The following NUDCD1 variants were observed in gnomAD, a reference collection of about 807,000 sequenced individuals.
NUDCD1 encodes NudC domain containing 1.
NUDCD1 carries 60 observed loss-of-function variants against 67.8 expected under a neutral mutation model. That is an observed-to-expected ratio of 0.88 (90% confidence interval 0.72 to 1.10). NUDCD1 has a LOEUF of 1.10. Among genes scored for constraint, NUDCD1 ranks in the 50% least tolerant of loss-of-function variants. The pLI, the probability that NUDCD1 is intolerant of heterozygous loss-of-function variation, is 0.00. For synonymous variants in NUDCD1, 244 were observed against 230.8 expected, an observed-to-expected ratio of 1.06 and a Z score of -0.52; for missense variants, 643 against 695.0, an observed-to-expected ratio of 0.93 and a Z score of 0.84.
chr8:109,286,331 G>A (rs1305307015), intron 5 of NUDCD1, among the ~76,000 whole-genome samples: 2 of 152,032 alleles, frequency 1.3e-5, no homozygotes, highest in African/African-American at 4.8e-5. Context: ...ATCCAAAAAA[G>A]AGCCCAAATA....
At chr8:109,330,284 T>G (rs1256200375) in intron 1 of NUDCD1, among the ~76,000 whole-genome samples, 1 of 152,192 alleles carries the variant, frequency 6.6e-6, no homozygotes, top group East Asian at 1.9e-4. Context: ...ATAACATTAT[T>G]TAAGACAAGA....
At chr8:109,315,815 TAC>T (rs1205917702) in intron 2 of NUDCD1, 2 of 152,236 alleles carry the variant, frequency 1.3e-5, no homozygotes, top group African/African-American at 4.8e-5. Context: ...CCTTCGTCTC[TAC>T]ACAGGTAAGT....
At chr8:109,299,109 T>C (rs1368685309) in intron 2 of NUDCD1, among the ~76,000 whole-genome samples, 2 of 152,210 alleles carry the variant, frequency 1.3e-5, no homozygotes, top group Admixed American at 1.3e-4. Context: ...GTCAGCTCGC[T>C]GGGTTCCCTA....
intron 2 of NUDCD1, chr8:109,316,064 G>C (rs1310116714): frequency 1.3e-5 from 2 of 152,068 alleles, no homozygotes; most frequent in African/African-American, 4.8e-5. Flanking sequence ...AAACAAATTA[G>C]CTTTTCAGGT....
chr8:109,334,068 T>C lies in NUDCD1; in HGVS notation c.-58A>G. 1 of 1,608,830 alleles carries C rather than the reference T, an allele frequency of 6.2e-7. No individual in the cohort carries two copies. The highest frequency in any genetic ancestry group is 1.1e-5 in the South Asian group (1 of 90,580). On this transcript the variant is annotated 5_prime_UTR_variant, in exon 1 of 10. Transcript: ENST00000239690. ...AAGCCCTTGTTGAAAGGTCCGCGCT[T>C]CACGCCTCGCACAGAGACTGGGAAG...
chr8:109,333,753 C>G lies in NUDCD1; in HGVS notation c.118+140G>C, dbSNP rs917093313. 3.4e-6 allele frequency: 3 copies of G among 873,398 alleles called. No homozygotes were observed. In the African/African-American group the frequency reaches 5.1e-5, roughly 15 times the overall value. The allele number at this position is 873,398 out of a possible 1,614,324, so 54.1% of individuals were successfully genotyped here. A position where few individuals can be genotyped will look rare whatever the true frequency, so the allele number is the denominator to read the frequency against. ...TGGGATGGGCATCATTCCCCAGAAG[C>G]AGCGGCCTCCGTGAGTCCACGCAAG... On this transcript the variant is annotated intron_variant, in intron 1 of 9. Coordinates refer to ENST00000239690, the MANE Select transcript of NUDCD1 (RefSeq NM_032869.4).
intron 2 of NUDCD1, among the ~76,000 whole-genome samples, chr8:109,301,290 G>A (rs755091810): frequency 1.4e-4 from 21 of 152,044 alleles, no homozygotes; most frequent in African/African-American, 4.6e-4. Context: ...TTCTCCCCCC[G>A]CCCTTAAGAA....
intron 4 of NUDCD1, among the ~76,000 whole-genome samples, chr8:109,290,299 T>G (rs1301543465): frequency 6.6e-6 from 1 of 152,140 alleles, no homozygotes; most frequent in East Asian, 1.9e-4. Flanking sequence ...GGTACACATA[T>G]AAAACATGTC....
intron 3 of NUDCD1, among the ~76,000 whole-genome samples, chr8:109,294,778 A>G (rs1814802205): frequency 6.6e-6 from 1 of 151,896 alleles, no homozygotes; most frequent in South Asian, 2.1e-4. Context: ...GTCTCCTTTA[A>G]TTTCTCTTTT....
intron 1 of NUDCD1, among the ~76,000 whole-genome samples, chr8:109,328,828 G>GT (rs1815740883): frequency 6.6e-6 from 1 of 151,988 alleles, no homozygotes; most frequent in African/African-American, 2.4e-5. Flanking sequence ...ACCTAACAAG[G>GT]TAAAATTCAC....
At chr8:109,301,610 C>T (rs1814991963) in intron 2 of NUDCD1, among the ~76,000 whole-genome samples, 1 of 152,204 alleles carries the variant, frequency 6.6e-6, no homozygotes, top group Admixed American at 6.5e-5. Flanking sequence ...GACCAACCAG[C>T]CCAAGGAACA....
At chr8:109,331,654 A>C (rs1458780656) in intron 1 of NUDCD1, among the ~76,000 whole-genome samples, 1 of 152,220 alleles carries the variant, frequency 6.6e-6, no homozygotes, top group East Asian at 1.9e-4. Flanking sequence ...TCTAAAGTTA[A>C]AGTATTCAAT....
chr8:109,275,396 C>T lies in NUDCD1; in HGVS notation c.1129G>A (p.Ala377Thr), dbSNP rs1814260952. ...GELIRDSAQCAAIAERLMHLT... is the reference protein window; with the variant it reads ...GELIRDSAQCTAIAERLMHLT... ...TGCATCAAACGTTCAGCTATTGCAG[C>T]ACACTGGGCTGAATCTCTTATAAGT... Residue 377 changes from alanine (A) to threonine (T), a missense_variant, in exon 7 of 10, where the codon GCT becomes ACT. Physicochemically the swap from Ala to Thr is moderately conservative, Grantham distance 58. Coordinates refer to ENST00000239690, the MANE Select transcript of NUDCD1 (RefSeq NM_032869.4). 6.2e-7 allele frequency: 1 copy of T among 1,613,586 alleles called. No individual in the cohort carries two copies. The highest frequency in any genetic ancestry group is 1.1e-5 in the South Asian group (1 of 91,052).
intron 2 of NUDCD1, among the ~76,000 whole-genome samples, chr8:109,314,876 G>C (rs1288673465): frequency 1.3e-5 from 2 of 151,982 alleles, no homozygotes; most frequent in Non-Finnish European, 2.9e-5. Flanking sequence ...GCTATAAGTA[G>C]AGAATCTTTG....
In NUDCD1 at chr8:109,240,987, T is replaced by C. The variant is rs1012483317; in HGVS notation, c.*2022A>G. 2.0e-5 allele frequency: 3 copies of C among 152,114 alleles called. No homozygotes were observed. The highest frequency in any genetic ancestry group is 2.0e-4 in the Admixed American group (3 of 15,260). The allele number at this position is 152,114 out of a possible 1,614,324, so 9.4% of individuals were successfully genotyped here. On this transcript the variant is annotated 3_prime_UTR_variant, in exon 10 of 10. Coordinates refer to ENST00000239690, the MANE Select transcript of NUDCD1 (RefSeq NM_032869.4). ...TTATAAATTCCTATTTAAAACATGATAAAAATCAACAAAAATACAAGGTAC... is the reference window on the plus strand; with the variant it reads ...TTATAAATTCCTATTTAAAACATGACAAAAATCAACAAAAATACAAGGTAC...
At chr8:109,328,156 T>C (rs1035016083) in intron 1 of NUDCD1, among the ~76,000 whole-genome samples, 5 of 152,184 alleles carry the variant, frequency 3.3e-5, no homozygotes, top group African/African-American at 1.2e-4. Flanking sequence ...CTTATGAGAT[T>C]AGCCCCACCA....
chr8:109,286,072 A>G (rs555121049), intron 5 of NUDCD1, among the ~76,000 whole-genome samples: 1 of 152,164 alleles, frequency 6.6e-6, no homozygotes, highest in South Asian at 2.1e-4. Flanking sequence ...AATAATAATA[A>G]TAAAATACCT....
At chr8:109,267,584 C>T (rs542667340) in intron 8 of NUDCD1, among the ~76,000 whole-genome samples, 1 of 152,006 alleles carries the variant, frequency 6.6e-6, no homozygotes, top group Non-Finnish European at 1.5e-5. Flanking sequence ...CCATAAAGGG[C>T]TTATAATCAT....
chr8:109,245,766 TCAC>T (rs1586244919), intron 8 of NUDCD1, among the ~76,000 whole-genome samples: 2 of 152,294 alleles, frequency 1.3e-5, no homozygotes, highest in East Asian at 3.9e-4. Flanking sequence ...ATGTTCTTAA[TCAC>T]CACGTGATAT....
Sources: gnomAD v4.1 joint callset for allele counts (sites outside exome capture counted in the v4.1 genomes callset) on GRCh38, gnomAD v4.1.1 for gene constraint, MANE v1.5 for transcripts, NCBI Gene and HGNC (gene_info 2026-07-23, HGNC 2026-07-21) for gene names.